Variants in PAMR1 observed in about 807,000 individuals in gnomAD.
PAMR1 encodes the protein peptidase domain containing associated with muscle regeneration 1.
PAMR1 carries 88 observed loss-of-function variants against 81.8 expected under a neutral mutation model. The ratio of observed to expected loss-of-function variants is 1.08; its 90% CI spans 0.91 to 1.28. The LOEUF is 1.28. Ranked by LOEUF, PAMR1 falls within the 50% of genes most tolerant of loss-of-function variation. The probability of loss-of-function intolerance (pLI) is 0.00; values close to 1 mark genes in which losing one functional copy is unlikely to be tolerated. For missense variants in PAMR1, 935 were observed against 919.7 expected, an observed-to-expected ratio of 1.02 and a Z score of -0.21; for synonymous variants, 336 against 345.3, an observed-to-expected ratio of 0.97 and a Z score of 0.30.
rs1286099475 is a variant in PAMR1, at chr11:35,494,229, A to T, written c.117T>A (p.Asn39Lys). The T allele has an allele frequency of 3.1e-6, 5 of 1,614,082 alleles. No homozygotes were observed. The highest frequency in any genetic ancestry group is 4.2e-6 in the Non-Finnish European group (5 of 1,180,030). ...ATTCACAGCACTCCCGACACATGAT[A>T]TTCCACTCTGCTCCAGGGCAGGCTT... ...INEACPGAEWNIMCRECCEYD... is the reference protein window; with the variant it reads ...INEACPGAEWKIMCRECCEYD... The change falls in exon 2 of 11, where the codon AAT (asparagine) becomes AAA (lysine). Residue 39 changes from asparagine (N) to lysine (K), a missense_variant. Physicochemically the swap from Asn to Lys is moderately conservative, Grantham distance 94. Coordinates refer to ENST00000619888, the MANE Select transcript of PAMR1 (RefSeq NM_001001991.3).
chr11:35,460,531 T>C (rs1376757684), intron 6 of PAMR1, among the ~76,000 whole-genome samples: 4 of 152,138 alleles, frequency 2.6e-5, no homozygotes, highest in Non-Finnish European at 5.9e-5. Flanking sequence ...TGTGTCCAAG[T>C]GTTCTCATTG....
At chr11:35,484,309 A>G (rs1223322725) in intron 3 of PAMR1, among the ~76,000 whole-genome samples, 2 of 152,218 alleles carry the variant, frequency 1.3e-5, no homozygotes, top group African/African-American at 2.4e-5. Context: ...ATTCAAATCC[A>G]AGCCCAGGCT....
chr11:35,516,239 C>G (rs535325508), intron 1 of PAMR1, among the ~76,000 whole-genome samples: 1 of 152,096 alleles, frequency 6.6e-6, no homozygotes, highest in South Asian at 2.1e-4. Flanking sequence ...GGATTCAAAC[C>G]CTGATCAGTG....
chr11:35,460,464 T>A (rs139929319), intron 6 of PAMR1, among the ~76,000 whole-genome samples: 153 of 152,228 alleles, frequency 1.0e-3, no homozygotes, highest in African/African-American at 3.3e-3. Flanking sequence ...TCCTAATGCT[T>A]TCCCTCCCTA....
At chr11:35,480,175 C>CA (rs1273195909) in intron 3 of PAMR1, among the ~76,000 whole-genome samples, 1 of 152,130 alleles carries the variant, frequency 6.6e-6, no homozygotes, top group South Asian at 2.1e-4. Flanking sequence ...ATAGTTAGAC[C>CA]AAAAAACCAA....
chr11:35,513,756 C>G (rs1288939963), intron 1 of PAMR1, among the ~76,000 whole-genome samples: 1 of 152,180 alleles, frequency 6.6e-6, no homozygotes, highest in Admixed American at 6.5e-5. Context: ...ATTGAAACTA[C>G]CTGGGATGCT....
intron 6 of PAMR1, among the ~76,000 whole-genome samples, chr11:35,458,525 G>C (rs961411260): frequency 2.0e-5 from 3 of 152,188 alleles, no homozygotes; most frequent in African/African-American, 7.2e-5. Context: ...GTACTATTCT[G>C]TTTCTCTGAT....
At chr11:35,437,437 A>C (rs962807262) in intron 8 of PAMR1, among the ~76,000 whole-genome samples, 1 of 152,226 alleles carries the variant, frequency 6.6e-6, no homozygotes, top group African/African-American at 2.4e-5. Context: ...CTTGGCTCAG[A>C]GCAAATATTC....
rs1352615333 is a variant in PAMR1, at chr11:35,432,860, G to T, written c.1659C>A (p.Asp553Glu). Residue 553 changes from aspartate (D) to glutamate (E), a missense_variant, in exon 11 of 11, where the codon GAC (aspartate) becomes GAA (glutamate). Physicochemically the swap from Asp to Glu is conservative, Grantham distance 45 (BLOSUM62 2). Transcript: ENST00000619888. Reference protein sequence around the residue: ...ISAIILHPNYDPILLDADIAI... With the variant: ...ISAIILHPNYEPILLDADIAI... ...CGATGTCAGCATCAAGCAGGATGGG[G>T]TCATAGTTGGGATGCAGAATGATAG... 6 of 1,592,728 alleles carry T rather than the reference G, an allele frequency of 3.8e-6. No individual in the cohort carries two copies. The highest frequency in any genetic ancestry group is 1.1e-5 in the South Asian group (1 of 89,838).
At chr11:35,529,979 C>T (rs1355173916), upstream of PAMR1, 1 of 152,196 alleles carries the variant, frequency 6.6e-6, no homozygotes, top group African/African-American at 2.4e-5. Context: ...CAGGGAGAAA[C>T]AGCAGAGGAG....
At chr11:35,500,230 AGGGGACTAACATACT>A (rs1459386798) in intron 1 of PAMR1, among the ~76,000 whole-genome samples, 2 of 152,236 alleles carry the variant, frequency 1.3e-5, no homozygotes, top group African/African-American at 4.8e-5. Flanking sequence ...CAGTATCAGT[AGGGGACTAACATACT>A]GGGACTTCTT....
intron 3 of PAMR1, among the ~76,000 whole-genome samples, chr11:35,489,175 G>A (rs187126042): frequency 5.3e-5 from 8 of 152,064 alleles, no homozygotes; most frequent in Admixed American, 6.5e-5. Flanking sequence ...AAATTCTCTT[G>A]AGCTCCAGGC....
chr11:35,511,936 C>G (rs1367481649), intron 1 of PAMR1, among the ~76,000 whole-genome samples: 2 of 152,184 alleles, frequency 1.3e-5, no homozygotes, highest in Non-Finnish European at 2.9e-5. Flanking sequence ...ATCCCTCCCC[C>G]TGAGCTTTTG....
rs560678044 is a variant in PAMR1, at chr11:35,482,357, GT to G, written c.380-7614del. Among the ~76,000 whole-genome samples, 115 of 152,190 alleles carry G rather than the reference GT, an allele frequency of 7.6e-4. 1 individual carries two copies. In the Middle Eastern group the frequency reaches 0.017, roughly 23 times the overall value. Reference sequence around the variant, plus strand: ...GATCAGATGGTTGTAGATGTGTGGTGTTTTTTCTGAGGTCTCTGTTCTGTTC... The same window carrying G: ...GATCAGATGGTTGTAGATGTGTGGTGTTTTTCTGAGGTCTCTGTTCTGTTC... On this transcript the variant is annotated intron_variant, in intron 3 of 10. Coordinates refer to ENST00000619888, the MANE Select transcript of PAMR1 (RefSeq NM_001001991.3).
Position 35,432,416 on chromosome 11 carries a change from G to C in PAMR1, c.2103C>G (p.Leu701=). 6.2e-7 allele frequency: 1 copy of C among 1,614,048 alleles called. No individual in the cohort carries two copies. Among genetic ancestry groups the C allele is most frequent in the African/African-American group, 1.3e-5 (1 of 75,076 alleles). Residue 701 remains leucine, a synonymous_variant, in exon 11 of 11, where the codon CTC becomes CTG. Transcript: ENST00000619888. ...WSYDKTCSHR[L]STAFTKVLPF... is the part of the protein sequence containing the mutation. ...GCAGCACCTTGGTGAAGGCAGTGGAGAGCCTGTGGCTGCATGTTTTATCAT... is the reference window on the plus strand; with the variant it reads ...GCAGCACCTTGGTGAAGGCAGTGGACAGCCTGTGGCTGCATGTTTTATCAT...
chr11:35,501,521 T>A (rs1184268516), intron 1 of PAMR1, among the ~76,000 whole-genome samples: 1 of 152,074 alleles, frequency 6.6e-6, no homozygotes, highest in Admixed American at 6.5e-5. Flanking sequence ...ATTTTCTTTA[T>A]GTTTTTATAC....
chr11:35,433,726 A>AGATGGATGGATGGATG (rs71044517), intron 10 of PAMR1, among the ~76,000 whole-genome samples: 148 of 148,776 alleles, frequency 9.9e-4, no homozygotes, highest in Middle Eastern at 3.4e-3. Context: ...ATAGATGGAG[A>AGATGGATGGATGGATG]GATGGATGGA....
chr11:35,468,697 C>A (rs1180869887), intron 5 of PAMR1, among the ~76,000 whole-genome samples: 2 of 152,186 alleles, frequency 1.3e-5, no homozygotes, highest in Non-Finnish European at 2.9e-5. Flanking sequence ...TACTGCAGAA[C>A]TTCTCAGTTC....
At chr11:35,527,011 T>A (rs1253642850), upstream of PAMR1, among the ~76,000 whole-genome samples, 1 of 151,822 alleles carries the variant, frequency 6.6e-6, no homozygotes, top group Non-Finnish European at 1.5e-5. Context: ...GATTAAGAAA[T>A]GGAAGTGGAA....
Sources: gnomAD v4.1 joint callset for allele counts (sites outside exome capture counted in the v4.1 genomes callset) on GRCh38, gnomAD v4.1.1 for gene constraint, MANE v1.5 for transcripts, NCBI Gene and HGNC (gene_info 2026-07-23, HGNC 2026-07-21) for gene names.